The following INF2 variants were observed in gnomAD, a reference collection of about 807,000 sequenced individuals.
INF2 encodes the protein inverted formin 2, also known as inverted formin-2.
In INF2, 43 loss-of-function variants were observed where a neutral mutation model predicts 123.5. The ratio of observed to expected loss-of-function variants is 0.35; its 90% CI spans 0.27 to 0.45. The LOEUF is 0.45. Ranked by LOEUF, INF2 falls within the 20% of genes least tolerant of loss-of-function variation. The pLI, the probability that INF2 is intolerant of heterozygous loss-of-function variation, is 1.00. For missense variants in INF2, 1,453 were observed against 1,682.7 expected (o/e 0.86, Z 2.39); for synonymous variants, 851 against 745.0 (o/e 1.14, Z -2.32).
At chr14:104,686,827 C>T (rs552575874), upstream of INF2, among the ~76,000 whole-genome samples, 33 of 152,282 alleles carry the variant, frequency 2.2e-4, no homozygotes, top group African/African-American at 7.9e-4. Context: ...CTCAGAACGC[C>T]CACACCTGCC....
rs45502503 is a variant in INF2, at chr14:104,712,952, C to T, written c.2735C>T (p.Thr912Ile). The T allele has an allele frequency of 3.1e-6, 5 of 1,612,710 alleles. No homozygotes were observed. Among genetic ancestry groups the T allele is most frequent in the Non-Finnish European group, 4.2e-6 (5 of 1,179,816 alleles). ...QQLSLEDTFS[T>I]MKAFRDLFLR... ...CTGTCCCTGGAGGACACGTTCAGCACCATGAAGGCTTTCCGGGACCTTTTC... is the reference window on the plus strand; with the variant it reads ...CTGTCCCTGGAGGACACGTTCAGCATCATGAAGGCTTTCCGGGACCTTTTC... Residue 912 changes from threonine (T) to isoleucine (I), a missense_variant, in exon 18 of 23, where the codon ACC becomes ATC. This residue lies in a region of INF2 where 212 missense variants were observed against 266.2 expected (regional missense o/e 0.80). Coordinates refer to ENST00000392634, the MANE Select transcript of INF2 (RefSeq NM_022489.4).
chr14:104,714,112 C>T, intron 20 of INF2, 91 bp from the exon 21 acceptor site: 6 of 1,156,344 alleles, frequency 5.2e-6, no homozygotes, highest in South Asian at 1.6e-5. Flanking sequence ...TTTTGCAGGG[C>T]GTTCAGGTAG....
At chr14:104,704,055 T>G in intron 5 of INF2, 106 bp downstream of exon 5, 1 of 1,577,382 alleles carries the variant, frequency 6.3e-7, no homozygotes, top group Non-Finnish European at 8.6e-7. Flanking sequence ...CACCTCCAGA[T>G]GGCAGGGAGG....
At chr14:104,687,640 G>A (rs111299272), upstream of INF2, among the ~76,000 whole-genome samples, 371 of 152,294 alleles carry the variant, frequency 2.4e-3, 5 homozygotes, top group African/African-American at 8.2e-3. This position sits in a 1 kb window ranked among gnomAD's most constrained non-coding sequence, Gnocchi z 5.6. Flanking sequence ...TCTGGACCAG[G>A]TGTGCAGCTC....
At chr14:104,707,112 C>T in intron 7 of INF2, 61 bp downstream of exon 7, 1 of 1,526,638 alleles carries the variant, frequency 6.6e-7, no homozygotes, top group Non-Finnish European at 8.8e-7. Flanking sequence ...GGTCTTAGAC[C>T]ATGGGGGGGG....
rs578257233 is a variant in INF2, at chr14:104,704,340, CGA to C, written c.701+395_701+396del. 2.6e-3 allele frequency: 1,069 copies of C among 408,964 alleles called. 3 individuals carry two copies. The highest frequency in any genetic ancestry group is 3.7e-3 in the Non-Finnish European group (890 of 240,606). The allele number at this position is 408,964 out of a possible 1,614,324, so 25.3% of individuals were successfully genotyped here. ...GGAGACAGGGACACGGGCTCCAGGG[CGA>C]GAGTTGAAAAACTACCTACAGGGTA... On this transcript the variant is annotated intron_variant, in intron 5 of 22. Coordinates refer to ENST00000392634, the MANE Select transcript of INF2 (RefSeq NM_022489.4).
At position 104,707,910 on chromosome 14, in the gene INF2, C is replaced by T. The variant is rs1417077287; in HGVS notation, c.1643C>T (p.Ser548Leu). ...IVAQVDHGLG[S>L]AWVPSHRRVN... ...GCCCAGGTGGACCATGGCTTGGGCT[C>T]AGCATGGGTCCCCAGCCATCGGCGG... Residue 548 changes from serine (S) to leucine (L), a missense_variant, in exon 8 of 23, where the codon TCA becomes TTA. Physicochemically the swap from Ser to Leu is moderately radical, Grantham distance 145. Transcript: ENST00000392634. The T allele has an allele frequency of 6.2e-7, 1 of 1,603,228 alleles. No individual in the cohort carries two copies. The highest frequency in any genetic ancestry group is 1.3e-5 in the African/African-American group (1 of 74,856).
chr14:104,681,564 A>G (rs116954970), exon 1 of INF2: 25,817 of 1,288,828 alleles, frequency 0.02, 339 homozygotes, highest in Non-Finnish European at 0.023. Context: ...TTCCACTTCA[A>G]TTGGAAAATA....
chr14:104,682,311 TC>T (rs1252847001), intron 1 of INF2, among the ~76,000 whole-genome samples: 2 of 151,758 alleles, frequency 1.3e-5, no homozygotes, highest in African/African-American at 4.8e-5. Flanking sequence ...GTGCTGGCCT[TC>T]CCACCCCTCC....
chr14:104,717,398 C>T (rs1016125945), intron 22 of INF2, among the ~76,000 whole-genome samples: 14 of 152,114 alleles, frequency 9.2e-5, no homozygotes, highest in South Asian at 4.1e-4. Flanking sequence ...CGCTGTGGGG[C>T]GCTTCACGTC....
Position 104,713,323 on chromosome 14 carries a change from G to A in INF2, c.2878+14G>A, listed in dbSNP as rs1047918965. On this transcript the variant is annotated intron_variant, in intron 19 of 22. Transcript: ENST00000392634. ...ACGGGAAGCCTGGTGAGGCTGGGCC[G>A]GCTGGGCGGGGAGGGGGTGACTCTG... 1.4e-5 allele frequency: 22 copies of A among 1,550,590 alleles called. No homozygotes were observed. In the Admixed American group the frequency reaches 2.2e-4, roughly 15 times the overall value.
In INF2 at chr14:104,713,283, G is replaced by A. The variant is rs376506149; in HGVS notation, c.2852G>A (p.Arg951Gln). 2.1e-5 allele frequency: 32 copies of A among 1,550,272 alleles called. No homozygotes were observed. The highest frequency in any genetic ancestry group is 1.9e-4 in the Middle Eastern group (1 of 5,282). Reference sequence around the variant, plus strand: ...CAGCTGGCGGAGGAGGAGGCGCGGCGGCCTCGGGGAGAGGACGGGAAGCCT... The same window carrying A: ...CAGCTGGCGGAGGAGGAGGCGCGGCAGCCTCGGGGAGAGGACGGGAAGCCT... ...KQQLAEEEAR[R>Q]PRGEDGKPVR... is the part of the protein sequence containing the mutation. The change falls in exon 19 of 23, where the codon CGG becomes CAG. Residue 951 changes from arginine (R) to glutamine (Q), a missense_variant. Physicochemically the swap from Arg to Gln is conservative, Grantham distance 43. Transcript: ENST00000392634.
intron 1 of INF2, among the ~76,000 whole-genome samples, chr14:104,700,433 C>T (rs962775729): frequency 2.0e-5 from 3 of 152,194 alleles, no homozygotes; most frequent in Admixed American, 6.5e-5. Flanking sequence ...CGAGGCTCCA[C>T]GCTGCTGTTC....
chr14:104,703,826 G>A lies in INF2; in HGVS notation c.668-90G>A, dbSNP rs7145815. On this transcript the variant is annotated intron_variant, in intron 4 of 22. Transcript: ENST00000392634. The stretch of plus-strand genomic sequence containing the variant: ...CTCTGGTGTCCCATGAGTGCAGCAG[G>A]GCAGGGTCAGGTGCTCTGGGTGGCA... The A allele has an allele frequency of 0.22, 344,745 of 1,598,690 alleles. 39,449 individuals are homozygous for A. The highest frequency in any genetic ancestry group is 0.23 in the Non-Finnish European group (272,120 of 1,174,792).
At chr14:104,713,632 C>T in intron 20 of INF2, 26 bp downstream of exon 20, 1 of 1,608,292 alleles carries the variant, frequency 6.2e-7, no homozygotes, top group Non-Finnish European at 8.5e-7. Flanking sequence ...ACTGCCTCCT[C>T]ATGGTCCCCT....
rs371539542 is a variant in INF2, at chr14:104,703,877, T to C, written c.668-39T>C. On this transcript the variant is annotated intron_variant, in intron 4 of 22. Transcript: ENST00000392634. The stretch of plus-strand genomic sequence containing the variant: ...GAAGTGAAATGGGGAAGGCGGGGAG[T>C]GGCCTCCGAACCCTCTGACCCTGTC... 39 of 1,609,856 alleles carry C rather than the reference T, an allele frequency of 2.4e-5. No homozygotes were observed. In the African/African-American group the frequency reaches 4.7e-4, roughly 19 times the overall value.
chr14:104,700,813 C>T (rs1281898577), intron 1 of INF2: 1 of 984,752 alleles, frequency 1.0e-6, no homozygotes, highest in African/African-American at 1.7e-5. Flanking sequence ...GGGAGTCGCC[C>T]CTCCTCCCCA....
rs140010249 is a variant in INF2 at position 104,711,643 on chromosome 14, C to T, written c.2433C>T (p.Ser811=). 3.9e-4 allele frequency: 629 copies of T among 1,612,474 alleles called. 1 individual carries two copies. In the African/African-American group the frequency reaches 7.6e-3, roughly 20 times the overall value. The change falls in exon 16 of 23, where the codon AGC becomes AGT. Residue 811 remains serine (S), a synonymous_variant. Transcript: ENST00000392634. ...TCCCATTGCAGGAAGCGGAAAAGAG[C>T]CACCCCGACCTCCTGCAGCTGCCCC... ...LHHVLEEAEK[S]HPDLLQLPRD... is the part of the protein sequence containing the mutation.
rs185531403 is a variant in INF2 at position 104,699,393 on chromosome 14, C to G, written c.-9-1964C>G. 4.1e-6 allele frequency: 4 copies of G among 985,178 alleles called. No homozygotes were observed. The highest frequency in any genetic ancestry group is 6.2e-5 in the Admixed American group (1 of 16,252). The allele number at this position is 985,178 out of a possible 1,614,324, so 61.0% of individuals were successfully genotyped here. On this transcript the variant is annotated intron_variant, in intron 1 of 22. Transcript: ENST00000392634. This position sits in a 1 kb window ranked among gnomAD's most constrained non-coding sequence, Gnocchi z 4.7. ...GCGGGTGGGAATATATGCAGAGGCCCGGCTGCCTGGCTCTTCATGGTGGTG... is the reference window on the plus strand; with the variant it reads ...GCGGGTGGGAATATATGCAGAGGCCGGGCTGCCTGGCTCTTCATGGTGGTG...
Sources: gnomAD v4.1 joint callset for allele counts (sites outside exome capture counted in the v4.1 genomes callset) on GRCh38, gnomAD v4.1.1 for gene constraint, gnomAD v4.1.1 regional missense constraint, Gnocchi (gnomAD v3.1) non-coding constraint, MANE v1.5 for transcripts, NCBI Gene and HGNC (gene_info 2026-07-23, HGNC 2026-07-21) for gene names.